The following TANGO6 variants were observed in gnomAD, a reference collection of about 807,000 sequenced individuals.
TANGO6 encodes the protein transport and Golgi organization protein 6 homolog.
In TANGO6, 90 loss-of-function variants were observed where a neutral mutation model predicts 114.2. The observed-to-expected ratio is 0.79, with a 90% CI of 0.66 to 0.94. The LOEUF is 0.94. Ranked by LOEUF, TANGO6 falls within the 40% of genes least tolerant of loss-of-function variation. The pLI, the probability that TANGO6 is intolerant of heterozygous loss-of-function variation, is 0.00. For synonymous variants in TANGO6, 477 were observed against 509.8 expected (o/e 0.94, Z 0.87); for missense variants, 1,274 against 1,315.3 (o/e 0.97, Z 0.49).
intron 14 of TANGO6, among the ~76,000 whole-genome samples, chr16:68,962,137 C>T (rs1871093431): frequency 6.6e-6 from 1 of 152,174 alleles, no homozygotes; most frequent in Admixed American, 6.5e-5. Flanking sequence ...GTTGAGTTCC[C>T]CATACTTCCT....
At chr16:69,044,691 C>T (rs967336513) in intron 17 of TANGO6, among the ~76,000 whole-genome samples, 1 of 151,988 alleles carries the variant, frequency 6.6e-6, no homozygotes, top group Non-Finnish European at 1.5e-5. Flanking sequence ...TTAGGCTAAC[C>T]CCTGAACCAA....
At chr16:68,930,635 C>CTTTTT (rs35493432) in intron 14 of TANGO6, among the ~76,000 whole-genome samples, 2 of 134,158 alleles carry the variant, frequency 1.5e-5, no homozygotes, top group African/African-American at 2.8e-5. Flanking sequence ...CGGCTACTGT[C>CTTTTT]TTTTTTTTTT....
At chr16:68,925,373 A>G (rs1377725292) in intron 12 of TANGO6, among the ~76,000 whole-genome samples, 1 of 152,124 alleles carries the variant, frequency 6.6e-6, no homozygotes, top group African/African-American at 2.4e-5. Flanking sequence ...TCCTATGCTT[A>G]TTTGCCATCT....
intron 7 of TANGO6, among the ~76,000 whole-genome samples, chr16:68,885,975 C>T (rs762987258): frequency 5.3e-5 from 8 of 152,112 alleles, no homozygotes; most frequent in Non-Finnish European, 8.8e-5. Flanking sequence ...CAAACTTTTC[C>T]GAAGCAGCTA....
intron 15 of TANGO6, among the ~76,000 whole-genome samples, chr16:68,995,424 C>T (rs73562671): frequency 3.9e-5 from 6 of 152,320 alleles, no homozygotes; most frequent in Non-Finnish European, 7.4e-5. Context: ...TGGCAAGCCT[C>T]ATCAAGACCA....
intron 11 of TANGO6, 80 bp downstream of exon 11, chr16:68,909,482 A>G: frequency 7.7e-7 from 1 of 1,291,986 alleles, no homozygotes; most frequent in Non-Finnish European, 1.0e-6. Context: ...TGAGAGTGTG[A>G]TTTGATGACA....
intron 14 of TANGO6, among the ~76,000 whole-genome samples, chr16:68,945,873 A>G (rs1336336815): frequency 6.6e-6 from 1 of 152,094 alleles, no homozygotes; most frequent in Non-Finnish European, 1.5e-5. Flanking sequence ...TTTAGTAGAG[A>G]CAGGGTTTAG....
chr16:69,040,470 C>A, intron 17 of TANGO6, 49 bp downstream of exon 17: 1 of 1,458,636 alleles, frequency 6.9e-7, no homozygotes, highest in Non-Finnish European at 9.4e-7. Flanking sequence ...TTTTATTTGT[C>A]TATTTCTCAA....
intron 9 of TANGO6, among the ~76,000 whole-genome samples, chr16:68,905,730 G>C (rs1004308624): frequency 2.0e-5 from 3 of 151,820 alleles, no homozygotes; most frequent in African/African-American, 7.3e-5. Context: ...AAAATTAGTT[G>C]GTTGTGATGG....
Position 68,880,807 on chromosome 16 carries a change from G to A in TANGO6, c.1377+177G>A, listed in dbSNP as rs536787136. Among the ~76,000 whole-genome samples the A allele has an allele frequency of 3.0e-4, 46 of 152,236 alleles. No individual in the cohort carries two copies. In the East Asian group the frequency reaches 8.3e-3, roughly 27 times the overall value. On this transcript the variant is annotated intron_variant, in intron 7 of 17. Coordinates refer to ENST00000261778, the MANE Select transcript of TANGO6 (RefSeq NM_024562.2). Reference sequence around the variant, plus strand: ...CCCAAAGTGCTGGGATTACAGGTGTGAGCCGCTGCTCCCAGCCTTTTAAAA... The same window carrying A: ...CCCAAAGTGCTGGGATTACAGGTGTAAGCCGCTGCTCCCAGCCTTTTAAAA...
chr16:68,869,309 C>T (rs898334716), intron 4 of TANGO6, among the ~76,000 whole-genome samples: 3 of 152,184 alleles, frequency 2.0e-5, no homozygotes, highest in African/African-American at 7.2e-5. Context: ...GAAACCCCAT[C>T]TCTACCAAAA....
chr16:68,867,388 T>A, intron 4 of TANGO6, 168 bp downstream of exon 4: 1 of 752,638 alleles, frequency 1.3e-6, no homozygotes, highest in Non-Finnish European at 2.1e-6. Context: ...GAGCTTCTTT[T>A]CCAAAGAAAC....
intron 15 of TANGO6, among the ~76,000 whole-genome samples, chr16:69,018,770 A>C (rs1959351160): frequency 6.6e-6 from 1 of 151,576 alleles, no homozygotes; most frequent in Admixed American, 6.6e-5. Flanking sequence ...AAAATATTAA[A>C]AAGAAAATTA....
intron 12 of TANGO6, among the ~76,000 whole-genome samples, chr16:68,923,864 A>G (rs571526627): frequency 1.3e-5 from 2 of 152,304 alleles, no homozygotes; most frequent in African/African-American, 4.8e-5. Context: ...CATGAGCTCA[A>G]AAAGTTGAAA....
At chr16:69,013,184 A>G (rs1567558571) in intron 15 of TANGO6, among the ~76,000 whole-genome samples, 1 of 151,894 alleles carries the variant, frequency 6.6e-6, no homozygotes, top group South Asian at 2.1e-4. Context: ...AGTTATATGT[A>G]TATATGCTGA....
chr16:68,862,162 C>T (rs796926311), intron 2 of TANGO6, among the ~76,000 whole-genome samples: 6 of 151,870 alleles, frequency 4.0e-5, no homozygotes, highest in Non-Finnish European at 7.4e-5. Context: ...CTCAGCCTCC[C>T]GAGTAGCTGG....
intron 16 of TANGO6, chr16:69,025,958 A>G (rs1209059105): frequency 5.0e-6 from 1 of 198,280 alleles, no homozygotes; most frequent in Admixed American, 5.0e-5. Flanking sequence ...TAGTTCACAA[A>G]TGAGCTATGC....
chr16:68,894,555 A>G (rs1029720312), intron 7 of TANGO6, among the ~76,000 whole-genome samples: 2 of 152,032 alleles, frequency 1.3e-5, no homozygotes, highest in Admixed American at 1.3e-4. Flanking sequence ...TTGCAGGACT[A>G]GGGTTATTAA....
intron 15 of TANGO6, among the ~76,000 whole-genome samples, chr16:69,017,306 C>G (rs988973651): frequency 3.9e-5 from 6 of 152,254 alleles, no homozygotes; most frequent in Non-Finnish European, 8.8e-5. Context: ...TATGATTAGT[C>G]CCCCAGGGCC....
Sources: allele counts gnomAD v4.1 joint callset (sites outside exome capture counted in the v4.1 genomes callset), GRCh38; gene constraint gnomAD v4.1.1; transcripts MANE v1.5; gene names NCBI Gene and HGNC (gene_info 2026-07-23, HGNC 2026-07-21).